TFB1M: variants seen among roughly 807,000 people sequenced by gnomAD.
The protein encoded by TFB1M is transcription factor B1, mitochondrial, also known as dimethyladenosine transferase 1, mitochondrial.
A neutral mutation model predicts 31.1 loss-of-function variants in TFB1M; 27 were observed. The observed-to-expected ratio is 0.87, with a 90% CI of 0.64 to 1.20. The LOEUF (loss-of-function observed/expected upper bound fraction) is 1.20, where lower values mean the gene tolerates loss of function less well. Among genes scored for constraint, TFB1M ranks in the 50% most tolerant of loss-of-function variants. The pLI is 0.00. For missense variants in TFB1M, 394 were observed against 418.7 expected, an observed-to-expected ratio of 0.94 and a Z score of 0.51; for synonymous variants, 166 against 151.8, an observed-to-expected ratio of 1.09 and a Z score of -0.69.
chr6:155,244,515 T>C, the TFB1M span: 7 of 963,956 alleles, frequency 7.3e-6, no homozygotes, highest in Admixed American at 4.8e-5. Flanking sequence ...CCATAATGAA[T>C]GTGCTGTCTT....
In TFB1M at chr6:155,256,490, C is replaced by G. The variant is rs751001518; in HGVS notation, c.*1346G>C. On this transcript the variant is annotated 3_prime_UTR_variant, in exon 7 of 7. Coordinates refer to ENST00000367166, the MANE Select transcript of TFB1M (RefSeq NM_016020.4). ...TGTGTTTTTCTCACTGTAGCTTCATCCAGGTCTTTAAAAGTCCTGAAGAAT... is the reference window on the plus strand; with the variant it reads ...TGTGTTTTTCTCACTGTAGCTTCATGCAGGTCTTTAAAAGTCCTGAAGAAT... 2 of 1,614,152 alleles carry G rather than the reference C, an allele frequency of 1.2e-6. No individual in the cohort carries two copies. The highest frequency in any genetic ancestry group is 3.3e-4 in the Middle Eastern group (2 of 6,062).
downstream of TFB1M, among the ~76,000 whole-genome samples, chr6:155,252,478 AAAT>A (rs1783724248): frequency 6.6e-6 from 1 of 152,208 alleles, no homozygotes; most frequent in Non-Finnish European, 1.5e-5. Flanking sequence ...ATAAATACAT[AAAT>A]AAGTAAATAA....
rs372204826 is a variant in TFB1M at position 155,298,569 on chromosome 6, G to T, written c.302C>A (p.Ala101Glu). Residue 101 changes from alanine to glutamate, a missense_variant, in exon 3 of 7, where the codon GCA (alanine) becomes GAA (glutamate). Ala to Glu is a moderately radical substitution (Grantham distance 107). Coordinates refer to ENST00000367166, the MANE Select transcript of TFB1M (RefSeq NM_016020.4). ...IPGLQMLSDAAPGKLRIVHGD... is the reference protein window; with the variant it reads ...IPGLQMLSDAEPGKLRIVHGD... The stretch of plus-strand genomic sequence containing the variant: ...ATGAACAATTCTCAGTTTCCCAGGT[G>T]CTGCATCAGAAAGCATCTAGTTTAT... The T allele has an allele frequency of 5.0e-6, 8 of 1,611,242 alleles. No individual in the cohort carries two copies. The African/African-American group carries it at 1.1e-4, about 22-fold the overall frequency.
At chr6:155,259,835 G>A (rs1784311850) in intron 6 of TFB1M, among the ~76,000 whole-genome samples, 1 of 152,208 alleles carries the variant, frequency 6.6e-6, no homozygotes, top group African/African-American at 2.4e-5. Flanking sequence ...AGCTTTCTGT[G>A]AGATGGAAAC....
chr6:155,255,078 T>C (rs1346203433), downstream of TFB1M: 3 of 155,448 alleles, frequency 1.9e-5, no homozygotes, highest in African/African-American at 4.8e-5. Flanking sequence ...CAGCATTCAA[T>C]ACATTTCATG....
At chr6:155,260,715 C>A in intron 5 of TFB1M, 1 of 406,172 alleles carries the variant, frequency 2.5e-6, no homozygotes, top group Non-Finnish European at 4.7e-6. Context: ...AGTCAGTCAG[C>A]AGATAATAGA....
At chr6:155,296,917 CAT>C in intron 4 of TFB1M, 34 bp downstream of exon 4, 1 of 1,591,198 alleles carries the variant, frequency 6.3e-7, no homozygotes, top group Non-Finnish European at 8.6e-7. Flanking sequence ...GGAATTTGAA[CAT>C]GTGATAAAAT....
At chr6:155,310,923 CA>C (rs1019971055) in intron 2 of TFB1M, 1 of 428,218 alleles carries the variant, frequency 2.3e-6, no homozygotes, top group Admixed American at 3.7e-5. Context: ...AAAAATCACA[CA>C]AAACAATTAA....
intron 3 of TFB1M, among the ~76,000 whole-genome samples, chr6:155,298,001 C>T (rs1322400505): frequency 6.6e-6 from 1 of 152,206 alleles, no homozygotes; most frequent in Non-Finnish European, 1.5e-5. Context: ...GAAACATACC[C>T]TATTTATCTA....
At chr6:155,230,864 C>T in the TFB1M span, among the ~76,000 whole-genome samples, 5 of 146,250 alleles carry the variant, frequency 3.4e-5, no homozygotes, top group East Asian at 2.0e-4. Context: ...GATGGAGTCT[C>T]GCTCTGTCAC....
chr6:155,303,598 G>A (rs980520492), intron 2 of TFB1M: 7 of 152,142 alleles, frequency 4.6e-5, no homozygotes, highest in Non-Finnish European at 1.0e-4. Flanking sequence ...AAATAGTTAC[G>A]TCACAATAGC....
intron 5 of TFB1M, chr6:155,276,206 G>A: frequency 1.1e-5 from 18 of 1,614,132 alleles, no homozygotes; most frequent in Non-Finnish European, 1.5e-5. Context: ...ACCTGGAGGA[G>A]CTATCTATAT....
In TFB1M at chr6:155,257,078, G is replaced by C; in HGVS notation, c.*758C>G. On this transcript the variant is annotated 3_prime_UTR_variant, in exon 7 of 7. Coordinates refer to ENST00000367166, the MANE Select transcript of TFB1M (RefSeq NM_016020.4). ...GTCCAGAGTTTAACATCTGTTGTCA[G>C]TGAGGAGTGTTTTTATGAAACAGAG... is the stretch of plus-strand genomic sequence containing the variant. 1 of 1,613,064 alleles carries C rather than the reference G, an allele frequency of 6.2e-7. No individual in the cohort carries two copies. Among genetic ancestry groups the C allele is most frequent in the South Asian group, 1.1e-5 (1 of 91,052 alleles).
At chr6:155,267,176 T>C (rs1784691746) in intron 5 of TFB1M, among the ~76,000 whole-genome samples, 1 of 152,090 alleles carries the variant, frequency 6.6e-6, no homozygotes, top group Non-Finnish European at 1.5e-5. Context: ...GGTTTCACCA[T>C]GTTGGCCAGG....
the TFB1M span, among the ~76,000 whole-genome samples, chr6:155,230,724 C>A: frequency 4.6e-5 from 7 of 152,124 alleles, no homozygotes; most frequent in East Asian, 1.3e-3. Flanking sequence ...GCAGTGTTAA[C>A]CACTGCATTT....
At chr6:155,250,433 C>A in the TFB1M span, 2 of 837,882 alleles carry the variant, frequency 2.4e-6, no homozygotes, top group Non-Finnish European at 1.8e-6. Context: ...CTCAAGCCAG[C>A]ATGCAGGAAG....
intron 2 of TFB1M, chr6:155,303,334 A>C (rs1412342374): frequency 6.6e-6 from 1 of 152,168 alleles, no homozygotes; most frequent in Non-Finnish European, 1.5e-5. Flanking sequence ...AATAGTTACG[A>C]AGGTGTTTTT....
chr6:155,295,097 T>C (rs931179053), intron 4 of TFB1M, among the ~76,000 whole-genome samples: 4 of 152,234 alleles, frequency 2.6e-5, no homozygotes, highest in African/African-American at 7.2e-5. Flanking sequence ...CTGGGCGCAG[T>C]GGCTCACGCC....
intron 6 of TFB1M, among the ~76,000 whole-genome samples, chr6:155,259,871 T>C (rs1018807826): frequency 6.6e-6 from 1 of 152,240 alleles, no homozygotes; most frequent in South Asian, 2.1e-4. Flanking sequence ...CTTCGTGATA[T>C]GATTTTGGCT....
Sources: allele counts gnomAD v4.1 joint callset (sites outside exome capture counted in the v4.1 genomes callset), GRCh38; gene constraint gnomAD v4.1.1; transcripts MANE v1.5; gene names NCBI Gene and HGNC (gene_info 2026-07-23, HGNC 2026-07-21).